HIVEP3: variants seen among roughly 807,000 people sequenced by gnomAD.
HIVEP3 encodes transcription factor HIVEP3.
In HIVEP3, 49 loss-of-function variants were observed where a neutral mutation model predicts 152.8. The observed-to-expected ratio is 0.32, with a 90% CI of 0.26 to 0.41. The LOEUF is 0.41. Among genes scored for constraint, HIVEP3 ranks in the 10% least tolerant of loss-of-function variants. The probability of loss-of-function intolerance (pLI) is 1.00; values close to 1 mark genes in which losing one functional copy is unlikely to be tolerated. For synonymous variants in HIVEP3, 1,269 were observed against 1,289.0 expected (o/e 0.98, Z 0.33); for missense variants, 2,790 against 3,103.3 (o/e 0.90, Z 2.40).
Position 41,823,631 on chromosome 1 carries a change from T to A in HIVEP3, c.-801+94782A>T, listed in dbSNP as rs562413646. 4.6e-5 allele frequency among the ~76,000 whole-genome samples: 7 copies of A among 152,322 alleles called. No individual in the cohort carries two copies. The East Asian group carries it at 1.3e-3, about 29-fold the overall frequency. The stretch of plus-strand genomic sequence containing the variant: ...CCTCATTCTACACTCTCCACAGGCA[T>A]AAGCGATCCCAGAGTGGTGACCTCA... On this transcript the variant is annotated intron_variant, in intron 1 of 8. Coordinates refer to ENST00000372583, the MANE Select transcript of HIVEP3 (RefSeq NM_024503.5).
intron 1 of HIVEP3, among the ~76,000 whole-genome samples, chr1:41,993,595 T>G (rs1300521905): frequency 1.3e-5 from 2 of 152,202 alleles, no homozygotes; most frequent in Admixed American, 1.3e-4. Context: ...AGTGCGGCGA[T>G]TCCTCAGGAA....
chr1:41,620,888 C>T (rs975912221), intron 3 of HIVEP3, among the ~76,000 whole-genome samples: 9 of 152,206 alleles, frequency 5.9e-5, no homozygotes, highest in African/African-American at 2.2e-4. Flanking sequence ...GTGCTGGGTA[C>T]CGGAGGCATT....
intron 1 of HIVEP3, among the ~76,000 whole-genome samples, chr1:41,930,310 C>A (rs182545165): frequency 6.6e-6 from 1 of 152,262 alleles, no homozygotes; most frequent in Admixed American, 6.5e-5. Flanking sequence ...AAACCCCAAC[C>A]CCTGGCAATG....
rs769820491 is a variant in HIVEP3 at position 41,583,366 on chromosome 1, T to C, written c.1432A>G (p.Thr478Ala). The C allele has an allele frequency of 3.7e-6, 6 of 1,613,064 alleles. No individual in the cohort carries two copies. In the South Asian group the frequency reaches 5.5e-5, roughly 15 times the overall value. Residue 478 changes from threonine to alanine, a missense_variant, in exon 4 of 9, where the codon ACC (threonine) becomes GCC (alanine). By Grantham distance (58) the Thr-to-Ala change is moderately conservative. Around this residue, in one of 9 missense-constraint regions of HIVEP3, gnomAD observed 134 missense variants for 242.5 expected, o/e 0.55. Transcript: ENST00000372583. The surrounding 1 kb of genome is among the most constrained non-coding windows in gnomAD (Gnocchi z 6.9). ...LITINEAVVD[T>A]SEIDSVKPRR... Reference sequence around the variant, plus strand: ...GGCTTCACGCTGTCGATCTCGCTGGTGTCCACCACGGCCTCGTTGATGGTG... The same window carrying C: ...GGCTTCACGCTGTCGATCTCGCTGGCGTCCACCACGGCCTCGTTGATGGTG...
chr1:41,600,188 C>A (rs1302414595), intron 3 of HIVEP3, among the ~76,000 whole-genome samples: 1 of 152,174 alleles, frequency 6.6e-6, no homozygotes, highest in Admixed American at 6.5e-5. Flanking sequence ...AATAGAATTA[C>A]CATCTAATCC....
chr1:41,578,246 A>T (rs1424297435), intron 4 of HIVEP3, among the ~76,000 whole-genome samples: 1 of 152,256 alleles, frequency 6.6e-6, no homozygotes, highest in Admixed American at 6.5e-5. Flanking sequence ...CATTTAGCAT[A>T]GTACTTGGTA....
intron 1 of HIVEP3, among the ~76,000 whole-genome samples, chr1:41,947,413 T>A (rs112456300): frequency 6.6e-6 from 1 of 152,210 alleles, no homozygotes; most frequent in East Asian, 1.9e-4. Context: ...GAGGACTGTA[T>A]CCAGCCCATA....
intron 1 of HIVEP3, among the ~76,000 whole-genome samples, chr1:42,033,181 T>C (rs1411239071): frequency 6.6e-6 from 1 of 152,204 alleles, no homozygotes; most frequent in Admixed American, 6.5e-5. Flanking sequence ...AACTCTTTGG[T>C]CTGCCATGCA....
At chr1:41,782,287 G>C (rs2124284372) in intron 1 of HIVEP3, among the ~76,000 whole-genome samples, 1 of 152,336 alleles carries the variant, frequency 6.6e-6, no homozygotes, top group African/African-American at 2.4e-5. Flanking sequence ...AGAGCAGAAT[G>C]GTGATTGCCA....
At position 41,569,903 on chromosome 1, in the gene HIVEP3, T is replaced by C. The variant is rs140369118; in HGVS notation, c.5207+5641A>G. On this transcript the variant is annotated intron_variant, in intron 5 of 8. Coordinates refer to ENST00000372583, the MANE Select transcript of HIVEP3 (RefSeq NM_024503.5). The stretch of plus-strand genomic sequence containing the variant: ...CCCCTTCAACTGGAACAGTAATGAA[T>C]TAAATAAACTTTTAAAATAATTTCT... 4.0e-3 allele frequency among the ~76,000 whole-genome samples: 602 copies of C among 152,354 alleles called. 7 individuals are homozygous for C. Among genetic ancestry groups the C allele is most frequent in the African/African-American group, 0.014 (571 of 41,586 alleles).
rs1645153277 is a variant in HIVEP3 at position 41,628,806 on chromosome 1, C to T, written c.-579G>A. The T allele has an allele frequency of 8.1e-7, 1 of 1,232,104 alleles. No homozygotes were observed. The highest frequency in any genetic ancestry group is 3.2e-5 in the East Asian group (1 of 31,698). The allele number at this position is 1,232,104 out of a possible 1,614,324, so 76.3% of individuals were successfully genotyped here. A position where few individuals can be genotyped will look rare whatever the true frequency, so the allele number is the denominator to read the frequency against. ...ACTGAAACGCTGTTCTCTCTGAAAG[C>T]CAGCATTCATGTCCACTCCTACGGC... On this transcript the variant is annotated 5_prime_UTR_variant, in exon 3 of 9. Coordinates refer to ENST00000372583, the MANE Select transcript of HIVEP3 (RefSeq NM_024503.5).
At chr1:41,849,183 A>C (rs1001528940) in intron 1 of HIVEP3, 3 of 152,306 alleles carry the variant, frequency 2.0e-5, no homozygotes, top group South Asian at 4.2e-4. Context: ...CATTTAGATA[A>C]GGGAAACCAA....
intron 1 of HIVEP3, among the ~76,000 whole-genome samples, chr1:41,927,462 C>T (rs1475383603): frequency 6.6e-6 from 1 of 152,166 alleles, no homozygotes; most frequent in Non-Finnish European, 1.5e-5. Context: ...TGAATAAACA[C>T]CCCAAATCAC....
At chr1:41,992,970 C>G (rs1190527890) in intron 1 of HIVEP3, among the ~76,000 whole-genome samples, 3 of 144,460 alleles carry the variant, frequency 2.1e-5, no homozygotes, top group East Asian at 2.0e-4. Context: ...AACTGGATCC[C>G]TTCCTTACAC....
intron 1 of HIVEP3, among the ~76,000 whole-genome samples, chr1:41,967,007 T>A (rs1390435937): frequency 1.3e-5 from 2 of 152,160 alleles, no homozygotes; most frequent in Non-Finnish European, 2.9e-5. Flanking sequence ...ATAGCTATCC[T>A]AAATATATAT....
intron 1 of HIVEP3, among the ~76,000 whole-genome samples, chr1:42,006,286 A>G (rs1407937548): frequency 6.6e-6 from 1 of 152,070 alleles, no homozygotes; most frequent in Non-Finnish European, 1.5e-5. Context: ...AGAGACAGGG[A>G]CGAGAGGAAC....
intron 1 of HIVEP3, among the ~76,000 whole-genome samples, chr1:41,973,361 T>C (rs1007125016): frequency 2.0e-5 from 3 of 152,232 alleles, no homozygotes; most frequent in Admixed American, 6.5e-5. Context: ...CCAAGATACC[T>C]GCTAGAGCCG....
At chr1:42,028,067 G>A (rs1297085241) in intron 1 of HIVEP3, among the ~76,000 whole-genome samples, 1 of 152,134 alleles carries the variant, frequency 6.6e-6, no homozygotes, top group Non-Finnish European at 1.5e-5. Flanking sequence ...ACTTTATTAA[G>A]AGGCCTTCCT....
At chr1:41,702,441 C>T (rs7527930) in intron 1 of HIVEP3, among the ~76,000 whole-genome samples, 3 of 152,116 alleles carry the variant, frequency 2.0e-5, no homozygotes, top group South Asian at 2.1e-4. Flanking sequence ...TTCAGAGTTG[C>T]GTGAACTTAG....
Sources: gnomAD v4.1 joint callset for allele counts (sites outside exome capture counted in the v4.1 genomes callset) on GRCh38, gnomAD v4.1.1 for gene constraint, gnomAD v4.1.1 regional missense constraint, Gnocchi (gnomAD v3.1) non-coding constraint, MANE v1.5 for transcripts, NCBI Gene and HGNC (gene_info 2026-07-23, HGNC 2026-07-21) for gene names.